Variants in PPP1R1C observed in about 807,000 individuals in gnomAD.
PPP1R1C encodes the protein protein phosphatase 1 regulatory subunit 1C.
PPP1R1C carries 15 observed loss-of-function variants against 17.4 expected under a neutral mutation model. The ratio of observed to expected loss-of-function variants is 0.86; its 90% CI spans 0.58 to 1.33. PPP1R1C has a LOEUF of 1.33. Ranked by LOEUF, PPP1R1C falls within the 40% of genes most tolerant of loss-of-function variation. The pLI, the probability that PPP1R1C is intolerant of heterozygous loss-of-function variation, is 0.00. For synonymous variants in PPP1R1C, 35 were observed against 43.1 expected (o/e 0.81, Z 0.73); for missense variants, 143 against 130.0 (o/e 1.10, Z -0.48).
chr2:182,043,993 T>C (rs1016482645), intron 2 of PPP1R1C, among the ~76,000 whole-genome samples: 3 of 152,186 alleles, frequency 2.0e-5, no homozygotes, highest in African/African-American at 7.2e-5. Flanking sequence ...AGAAACTGCA[T>C]GTAATGTTTG....
intron 4 of PPP1R1C, among the ~76,000 whole-genome samples, chr2:182,091,924 T>G (rs1688793328): frequency 6.6e-6 from 1 of 152,200 alleles, no homozygotes; most frequent in Non-Finnish European, 1.5e-5. Context: ...TTGTCTTTTG[T>G]TCTTTCTTAT....
At chr2:181,987,009 G>T (rs956090514) in intron 1 of PPP1R1C, among the ~76,000 whole-genome samples, 4 of 152,138 alleles carry the variant, frequency 2.6e-5, no homozygotes, top group Non-Finnish European at 1.5e-5. Flanking sequence ...GTGACTCATA[G>T]TGTTTCAGGA....
intron 5 of PPP1R1C, among the ~76,000 whole-genome samples, chr2:182,126,014 T>C (rs1042447361): frequency 1.3e-5 from 2 of 152,144 alleles, no homozygotes; most frequent in East Asian, 1.9e-4. Flanking sequence ...AGGGTGTCAA[T>C]TTTAGATCTT....
At chr2:182,018,262 G>A (rs1424577475) in intron 2 of PPP1R1C, among the ~76,000 whole-genome samples, 1 of 152,136 alleles carries the variant, frequency 6.6e-6, no homozygotes, top group East Asian at 1.9e-4. Flanking sequence ...TCTCTGATTA[G>A]CGAGCTTACA....
chr2:181,984,531 C>A (rs1029185859), upstream of PPP1R1C, among the ~76,000 whole-genome samples: 1 of 152,188 alleles, frequency 6.6e-6, no homozygotes, highest in Non-Finnish European at 1.5e-5. Flanking sequence ...ATAAACTCAT[C>A]ACAAGATTTC....
At chr2:182,096,527 G>A (rs1688942673) in intron 4 of PPP1R1C, among the ~76,000 whole-genome samples, 1 of 150,244 alleles carries the variant, frequency 6.7e-6, no homozygotes, top group Admixed American at 6.6e-5. Context: ...TGGTGGCTCC[G>A]ACTCCCGTGA....
Position 181,976,540 on chromosome 2 carries a change from C to T in PPP1R1C, n.157+1276C>T, listed in dbSNP as rs1685093809. On this transcript the variant is annotated intron_variant and non_coding_transcript_variant, in intron 2 of 5. Coordinates refer to the PPP1R1C transcript ENST00000464264. This position sits in a 1 kb window ranked among gnomAD's most constrained non-coding sequence, Gnocchi z 4.8. Reference sequence around the variant, plus strand: ...TATAATCTCCTACAAAGGCTACTGGCCTACTGTTCAGGAATCCTGAGTAAT... The same window carrying T: ...TATAATCTCCTACAAAGGCTACTGGTCTACTGTTCAGGAATCCTGAGTAAT... Among the ~76,000 whole-genome samples, 1 of 152,066 alleles carries T rather than the reference C, an allele frequency of 6.6e-6. No individual in the cohort carries two copies. Among genetic ancestry groups the T allele is most frequent in the Admixed American group, 6.6e-5 (1 of 15,264 alleles).
chr2:182,004,579 A>G (rs1049376183), intron 2 of PPP1R1C, among the ~76,000 whole-genome samples: 1 of 152,232 alleles, frequency 6.6e-6, no homozygotes, highest in African/African-American at 2.4e-5. Flanking sequence ...TAGAGATTCA[A>G]TGCTATGAAT....
rs147916813 is a variant in PPP1R1C, at chr2:182,128,157, A to G, written c.*7-817A>G. Among the ~76,000 whole-genome samples the G allele has an allele frequency of 3.1e-3, 479 of 152,272 alleles. 3 individuals carry two copies. Among genetic ancestry groups the G allele is most frequent in the African/African-American group, 0.011 (464 of 41,574 alleles). On this transcript the variant is annotated intron_variant, in intron 5 of 5. Transcript: ENST00000280295. Reference sequence around the variant, plus strand: ...GTGCTGCTGATTCTAGGTATTAATAAGAAGTGAGAGTCCTTAAACTCATGG... The same window carrying G: ...GTGCTGCTGATTCTAGGTATTAATAGGAAGTGAGAGTCCTTAAACTCATGG...
At chr2:182,076,935 C>T (rs569893420) in intron 4 of PPP1R1C, among the ~76,000 whole-genome samples, 5 of 152,216 alleles carry the variant, frequency 3.3e-5, no homozygotes, top group Non-Finnish European at 5.9e-5. Flanking sequence ...TCATCCTAAA[C>T]TTTGTAAAAA....
intron 2 of PPP1R1C, among the ~76,000 whole-genome samples, chr2:181,990,595 C>T (rs538005315): frequency 5.9e-5 from 9 of 152,200 alleles, no homozygotes; most frequent in Admixed American, 3.9e-4. Context: ...CTGATGTGTT[C>T]GGGAATACAA....
intron 2 of PPP1R1C, among the ~76,000 whole-genome samples, chr2:182,049,090 T>C (rs1687429574): frequency 6.6e-6 from 1 of 152,100 alleles, no homozygotes; most frequent in Non-Finnish European, 1.5e-5. Context: ...CCCAGAACTT[T>C]AGGAGGCTGA....
At chr2:182,000,097 G>A (rs1685717502) in intron 2 of PPP1R1C, among the ~76,000 whole-genome samples, 1 of 152,144 alleles carries the variant, frequency 6.6e-6, no homozygotes, top group Non-Finnish European at 1.5e-5. Flanking sequence ...CCAGCTAGAA[G>A]GTTTTGCACG....
intron 4 of PPP1R1C, among the ~76,000 whole-genome samples, chr2:182,069,095 C>G (rs1442386797): frequency 6.6e-6 from 1 of 152,144 alleles, no homozygotes; most frequent in African/African-American, 2.4e-5. Flanking sequence ...ACACTCCTGT[C>G]CCTCTGTGGG....
At chr2:182,092,650 C>G (rs1397040891) in intron 4 of PPP1R1C, among the ~76,000 whole-genome samples, 1 of 152,160 alleles carries the variant, frequency 6.6e-6, no homozygotes, top group Non-Finnish European at 1.5e-5. Context: ...TTGGTAAATA[C>G]AGCCATTCCA....
downstream of PPP1R1C, among the ~76,000 whole-genome samples, chr2:182,119,649 A>C (rs1041064688): frequency 5.3e-5 from 8 of 152,094 alleles, no homozygotes; most frequent in South Asian, 6.2e-4. Flanking sequence ...CATTTCTCTG[A>C]TGGCCAGTGA....
chr2:182,065,546 A>C (rs1336291419), intron 4 of PPP1R1C, among the ~76,000 whole-genome samples: 1 of 152,130 alleles, frequency 6.6e-6, no homozygotes, highest in Admixed American at 6.6e-5. Context: ...TGAATGGAAC[A>C]TGCAGTTATT....
At chr2:182,000,368 C>T (rs1037533517) in intron 2 of PPP1R1C, among the ~76,000 whole-genome samples, 1 of 151,864 alleles carries the variant, frequency 6.6e-6, no homozygotes, top group African/African-American at 2.4e-5. Context: ...GGATTCTGTC[C>T]AAGTGTAATC....
intron 1 of PPP1R1C, 64 bp downstream of exon 1, chr2:181,986,255 A>G: frequency 8.0e-7 from 1 of 1,243,694 alleles, no homozygotes; most frequent in Non-Finnish European, 1.2e-6. Flanking sequence ...CATTCTGGTT[A>G]TTAATTGAAA....
Sources: gnomAD v4.1 joint callset for allele counts (sites outside exome capture counted in the v4.1 genomes callset) on GRCh38, gnomAD v4.1.1 for gene constraint, Gnocchi (gnomAD v3.1) non-coding constraint, MANE v1.5 for transcripts, NCBI Gene and HGNC (gene_info 2026-07-23, HGNC 2026-07-21) for gene names.